The following CCDC91 variants were observed in gnomAD, a reference collection of about 807,000 sequenced individuals.
CCDC91 encodes the protein coiled-coil domain-containing protein 91.
In CCDC91, 48 loss-of-function variants were observed where a neutral mutation model predicts 63.2. The observed-to-expected ratio is 0.76, with a 90% CI of 0.60 to 0.97. The LOEUF (loss-of-function observed/expected upper bound fraction) is 0.97, where lower values mean the gene tolerates loss of function less well. Among genes scored for constraint, CCDC91 ranks in the 50% least tolerant of loss-of-function variants. The pLI is 0.00. For missense variants in CCDC91, 500 were observed against 494.6 expected (o/e 1.01, Z -0.10); for synonymous variants, 167 against 165.8 (o/e 1.01, Z -0.06).
chr12:28,401,270 A>G (rs1946604786), intron 8 of CCDC91, among the ~76,000 whole-genome samples: 1 of 152,138 alleles, frequency 6.6e-6, no homozygotes, highest in Non-Finnish European at 1.5e-5. Context: ...AAGGGGAAAC[A>G]AACATGTCCT....
intron 8 of CCDC91, among the ~76,000 whole-genome samples, chr12:28,395,099 T>C (rs56052325): frequency 6.6e-6 from 1 of 152,316 alleles, no homozygotes; most frequent in African/African-American, 2.4e-5. Context: ...GAAAAGTTTG[T>C]TACTGGTATT....
chr12:28,343,158 A>T (rs1942559998), intron 6 of CCDC91, among the ~76,000 whole-genome samples: 1 of 150,028 alleles, frequency 6.7e-6, no homozygotes, highest in Non-Finnish European at 1.5e-5. Flanking sequence ...AAATAGAGTG[A>T]GAGCAGGAGA....
chr12:28,250,580 A>G (rs527356507), intron 1 of CCDC91, among the ~76,000 whole-genome samples: 20 of 152,204 alleles, frequency 1.3e-4, no homozygotes, highest in South Asian at 4.1e-4. Context: ...AGCTGTTTCA[A>G]TGCTAGCAAC....
intron 11 of CCDC91, among the ~76,000 whole-genome samples, chr12:28,479,174 G>A (rs967954243): frequency 6.6e-6 from 1 of 151,840 alleles, no homozygotes; most frequent in African/African-American, 2.4e-5. Flanking sequence ...GTATGTTTTT[G>A]GTGGCACTAT....
At chr12:28,485,580 C>T (rs1223707766) in intron 12 of CCDC91, among the ~76,000 whole-genome samples, 1 of 152,082 alleles carries the variant, frequency 6.6e-6, no homozygotes, top group Non-Finnish European at 1.5e-5. Context: ...GTAAAAACTT[C>T]CTAAGTAGTC....
At chr12:28,384,187 G>A (rs2139146099) in intron 7 of CCDC91, among the ~76,000 whole-genome samples, 1 of 152,120 alleles carries the variant, frequency 6.6e-6, no homozygotes, top group Admixed American at 6.6e-5. Context: ...CAGAAGAAAT[G>A]TATATTAATA....
intron 12 of CCDC91, among the ~76,000 whole-genome samples, chr12:28,535,367 G>T (rs1253024437): frequency 1.3e-5 from 2 of 152,166 alleles, no homozygotes; most frequent in East Asian, 3.9e-4. Flanking sequence ...TTTGACCACA[G>T]ATTATTTTTA....
intron 6 of CCDC91, among the ~76,000 whole-genome samples, chr12:28,361,205 A>G (rs1053502683): frequency 2.6e-5 from 4 of 151,014 alleles, no homozygotes; most frequent in African/African-American, 9.7e-5. Flanking sequence ...TTATACTTTA[A>G]GTTTTAGGGT....
chr12:28,392,534 C>T (rs143404134), intron 8 of CCDC91, among the ~76,000 whole-genome samples: 6 of 152,238 alleles, frequency 3.9e-5, no homozygotes, highest in South Asian at 4.1e-4. Flanking sequence ...ATGACACATT[C>T]GATTTCAATT....
chr12:28,281,944 A>T (rs1354044045), intron 3 of CCDC91, among the ~76,000 whole-genome samples: 1 of 152,140 alleles, frequency 6.6e-6, no homozygotes, highest in Non-Finnish European at 1.5e-5. Flanking sequence ...TTATCTGTGC[A>T]TGTATAGAAA....
At position 28,305,762 on chromosome 12, in the gene CCDC91, C is replaced by T. The variant is rs1243883992; in HGVS notation, c.223C>T (p.His75Tyr). The change falls in exon 4 of 13, where the codon CAT becomes TAT. Residue 75 changes from histidine to tyrosine, a missense_variant. Physicochemically the swap from His to Tyr is moderately conservative, Grantham distance 83. Transcript: ENST00000536442. ...CATTATTTCATCACCAGAGAATACA[C>T]ATGCAGCAAATAGCATTGTGAGTCA... ...DAIISSPENT[H>Y]AANSIVSQTI... is the part of the protein sequence containing the mutation. The T allele has an allele frequency of 6.2e-7, 1 of 1,613,070 alleles. No individual in the cohort carries two copies. Among genetic ancestry groups the T allele is most frequent in the Admixed American group, 1.7e-5 (1 of 59,954 alleles).
In CCDC91 at chr12:28,196,281, A is replaced by G. The variant is rs146279670; in HGVS notation, c.-15+5640A>G. Among the ~76,000 whole-genome samples, 660 of 152,322 alleles carry G rather than the reference A, an allele frequency of 4.3e-3. 12 individuals are homozygous for G. The South Asian group carries it at 0.073, about 17-fold the overall frequency. On this transcript the variant is annotated intron_variant, in intron 1 of 12. Coordinates refer to ENST00000536442, the MANE Select transcript of CCDC91 (RefSeq NM_018318.5). ...TTTAAAAATTTTTAAATTTCCAATT[A>G]CTTATGTAAGTGAATCAGTATTTTA...
chr12:28,525,959 CCCTTTA>C (rs1436229617), intron 12 of CCDC91, among the ~76,000 whole-genome samples: 2 of 152,028 alleles, frequency 1.3e-5, no homozygotes, highest in African/African-American at 4.8e-5. Context: ...TGTTTTCCAT[CCCTTTA>C]CCTTAAGTTT....
chr12:28,278,910 G>C (rs935407995), intron 3 of CCDC91, among the ~76,000 whole-genome samples: 2 of 151,928 alleles, frequency 1.3e-5, no homozygotes, highest in Non-Finnish European at 2.9e-5. Flanking sequence ...TGAAAATCAA[G>C]TGTGAATATG....
chr12:28,397,628 A>G (rs1946370039), intron 8 of CCDC91, among the ~76,000 whole-genome samples: 1 of 152,190 alleles, frequency 6.6e-6, no homozygotes. Flanking sequence ...GTATAGATGT[A>G]AATATAATTT....
intron 1 of CCDC91, among the ~76,000 whole-genome samples, chr12:28,220,672 T>A (rs1258803074): frequency 6.6e-6 from 1 of 151,950 alleles, no homozygotes; most frequent in African/African-American, 2.4e-5. Flanking sequence ...AAAAAAAAAA[T>A]TCCTCTTCAA....
chr12:28,335,165 TATA>T (rs934225435), intron 6 of CCDC91, among the ~76,000 whole-genome samples: 23 of 139,104 alleles, frequency 1.7e-4, no homozygotes, highest in African/African-American at 2.9e-4. Flanking sequence ...ATATATTAAA[TATA>T]ATGTTTATAA....
At chr12:28,352,087 C>G (rs146898241) in intron 6 of CCDC91, among the ~76,000 whole-genome samples, 8 of 152,210 alleles carry the variant, frequency 5.3e-5, no homozygotes, top group African/African-American at 1.7e-4. Context: ...TTATACTATA[C>G]CGTAGATTAT....
chr12:28,405,163 C>G (rs1946857288), intron 8 of CCDC91, among the ~76,000 whole-genome samples: 1 of 151,884 alleles, frequency 6.6e-6, no homozygotes, highest in Admixed American at 6.6e-5. Flanking sequence ...CTGTCTTAGC[C>G]TATTAGTTAT....
Sources: gnomAD v4.1 joint callset for allele counts (sites outside exome capture counted in the v4.1 genomes callset) on GRCh38, gnomAD v4.1.1 for gene constraint, MANE v1.5 for transcripts, NCBI Gene and HGNC (gene_info 2026-07-23, HGNC 2026-07-21) for gene names.